PDZD2: variants seen among roughly 807,000 people sequenced by gnomAD.
The protein encoded by PDZD2 is PDZ domain containing 2.
In PDZD2, 90 loss-of-function variants were observed where a neutral mutation model predicts 220.7. The ratio of observed to expected loss-of-function variants is 0.41; its 90% CI spans 0.34 to 0.49. The LOEUF (loss-of-function observed/expected upper bound fraction) is 0.49. Among genes scored for constraint, PDZD2 ranks in the 20% least tolerant of loss-of-function variants. The pLI is 0.28. For synonymous variants in PDZD2, 1,375 were observed against 1,450.5 expected (o/e 0.95, Z 1.18); for missense variants, 3,174 against 3,608.5 (o/e 0.88, Z 3.08).
At chr5:32,092,403 T>A (rs1030561280) in intron 20 of PDZD2, among the ~76,000 whole-genome samples, 3 of 151,124 alleles carry the variant, frequency 2.0e-5, no homozygotes, top group African/African-American at 7.3e-5. Flanking sequence ...TGAAACCCTA[T>A]CTCTACTAAA....
At chr5:31,821,083 G>A (rs1165032713) in intron 2 of PDZD2, among the ~76,000 whole-genome samples, 2 of 151,732 alleles carry the variant, frequency 1.3e-5, no homozygotes, top group African/African-American at 2.4e-5. Flanking sequence ...TCTTTTAAAT[G>A]TTGTTATTAC....
chr5:31,984,916 T>G (rs774575074), intron 3 of PDZD2, among the ~76,000 whole-genome samples: 6 of 152,140 alleles, frequency 3.9e-5, no homozygotes, highest in Non-Finnish European at 7.4e-5. Flanking sequence ...TATAGCCAAA[T>G]GTACAATGGG....
chr5:31,689,353 A>ATATTTT, intron 1 of PDZD2, among the ~76,000 whole-genome samples: 10 of 35,120 alleles, frequency 2.8e-4, no homozygotes, highest in African/African-American at 1.2e-3. Context: ...ATATATATAT[A>ATATTTT]TTTTTTTTTT....
At chr5:31,705,376 A>G (rs1366410743) in intron 1 of PDZD2, among the ~76,000 whole-genome samples, 4 of 152,190 alleles carry the variant, frequency 2.6e-5, no homozygotes, top group African/African-American at 9.6e-5. Context: ...ATAGAAAACG[A>G]AGAGAAAATC....
At chr5:31,904,743 G>T (rs894986345) in intron 2 of PDZD2, among the ~76,000 whole-genome samples, 101 of 152,068 alleles carry the variant, frequency 6.6e-4, no homozygotes, top group African/African-American at 2.4e-3. Flanking sequence ...ACTGCGCCCG[G>T]CCAATATGTC....
chr5:31,915,066 G>A (rs113543461), intron 2 of PDZD2, among the ~76,000 whole-genome samples: 5 of 152,320 alleles, frequency 3.3e-5, no homozygotes, highest in African/African-American at 1.2e-4. Flanking sequence ...TTTAGAAGCT[G>A]TAGGGGGTCT....
rs1471780597 is a variant in PDZD2, at chr5:31,790,643, G to T, written c.-360-8246G>T. Among the ~76,000 whole-genome samples the T allele has an allele frequency of 6.1e-5, 9 of 146,550 alleles. No individual in the cohort carries two copies. In the East Asian group the frequency reaches 1.7e-3, roughly 27 times the overall value. On this transcript the variant is annotated intron_variant, in intron 1 of 24. Coordinates refer to ENST00000438447, the MANE Select transcript of PDZD2 (RefSeq NM_178140.4). ...TGTGTGTTTCTGGTCAATTCCTTAT[G>T]ATTTGAATCCTTTACTTTTTAACTT...
chr5:31,759,137 G>A (rs1751478895), intron 1 of PDZD2, among the ~76,000 whole-genome samples: 1 of 150,822 alleles, frequency 6.6e-6, no homozygotes. Context: ...CCCTTGCCGT[G>A]CCCACCCCCT....
chr5:32,012,458 G>T (rs1753402728), intron 6 of PDZD2, among the ~76,000 whole-genome samples: 1 of 151,960 alleles, frequency 6.6e-6, no homozygotes, highest in East Asian at 1.9e-4. Context: ...ATCTTGGCTT[G>T]CTGCAACCTC....
chr5:32,040,369 T>TAGG (rs1755968949), intron 7 of PDZD2, among the ~76,000 whole-genome samples: 2 of 138,230 alleles, frequency 1.4e-5, no homozygotes, highest in African/African-American at 5.5e-5. Context: ...CCGCCCCGTC[T>TAGG]AGGAAGTGAG....
intron 3 of PDZD2, among the ~76,000 whole-genome samples, chr5:31,986,659 CG>C (rs1229832387): frequency 3.1e-4 from 9 of 29,232 alleles, no homozygotes; most frequent in Non-Finnish European, 3.7e-4. Flanking sequence ...TTGCGGGGGG[CG>C]GGGGGGAATT....
intron 1 of PDZD2, among the ~76,000 whole-genome samples, chr5:31,700,648 T>C (rs1232794472): frequency 6.6e-6 from 1 of 152,134 alleles, no homozygotes; most frequent in Admixed American, 6.5e-5. Context: ...AACTGAGGCA[T>C]GGAAAAATGT....
In PDZD2 at chr5:31,876,250, T is replaced by C. The variant is rs145814924; in HGVS notation, c.476+76526T>C. On this transcript the variant is annotated intron_variant, in intron 2 of 24. Coordinates refer to ENST00000438447, the MANE Select transcript of PDZD2 (RefSeq NM_178140.4). Reference sequence around the variant, plus strand: ...AGTATTGCATTCTCTATTTGGTTATTGCTAGTGTAAAGGAATGCGCTTGAT... The same window carrying C: ...AGTATTGCATTCTCTATTTGGTTATCGCTAGTGTAAAGGAATGCGCTTGAT... 5.3e-5 allele frequency among the ~76,000 whole-genome samples: 8 copies of C among 152,214 alleles called. No individual in the cohort carries two copies. In the East Asian group the frequency reaches 1.5e-3, roughly 29 times the overall value.
intron 6 of PDZD2, among the ~76,000 whole-genome samples, chr5:32,034,718 A>C (rs1342696205): frequency 6.6e-6 from 1 of 152,184 alleles, no homozygotes; most frequent in Non-Finnish European, 1.5e-5. Flanking sequence ...CAGTATGGAA[A>C]GAACCTGGAG....
chr5:32,062,029 G>A (rs1389961100), intron 14 of PDZD2, among the ~76,000 whole-genome samples: 1 of 152,094 alleles, frequency 6.6e-6, no homozygotes, highest in African/African-American at 2.4e-5. Context: ...ACTTCGGGCT[G>A]GGATTAAAGG....
At chr5:31,809,780 G>T (rs527896823) in intron 2 of PDZD2, among the ~76,000 whole-genome samples, 5 of 152,246 alleles carry the variant, frequency 3.3e-5, no homozygotes, top group Admixed American at 3.3e-4. Context: ...GTTTTTATGA[G>T]GGAAGAGATT....
intron 2 of PDZD2, among the ~76,000 whole-genome samples, chr5:31,942,935 A>T (rs930034857): frequency 6.6e-6 from 1 of 152,098 alleles, no homozygotes; most frequent in African/African-American, 2.4e-5. Flanking sequence ...GGGCACGGTG[A>T]CTCACGCCTG....
rs758317903 is a variant in PDZD2 at position 32,101,128 on chromosome 5, G to C, written c.8242G>C (p.Ala2748Pro). ...AGGGAGAAGTGTGGCTGTACACGAT[G>C]CTCTGTGTGTTGAAGTGCTGAAGAC... ...GIGRSVAVHD[A>P]LCVEVLKTSA... is the part of the protein sequence containing the mutation. The change falls in exon 24 of 25, where the codon GCT becomes CCT. Residue 2748 changes from alanine to proline, a missense_variant. By Grantham distance (27) the Ala-to-Pro change is conservative. This residue lies in a region of PDZD2 where 631 missense variants were observed against 789.9 expected (regional missense o/e 0.80). Coordinates refer to ENST00000438447, the MANE Select transcript of PDZD2 (RefSeq NM_178140.4). 1.2e-6 allele frequency: 2 copies of C among 1,614,176 alleles called. No individual in the cohort carries two copies. Among genetic ancestry groups the C allele is most frequent in the Non-Finnish European group, 1.7e-6 (2 of 1,180,016 alleles).
chr5:31,848,997 C>T (rs78716164), intron 2 of PDZD2, among the ~76,000 whole-genome samples: 24,352 of 151,954 alleles, frequency 0.16, 2,216 homozygotes, highest in East Asian at 0.29. Flanking sequence ...TGCAGTGAGC[C>T]GAGATCTTGC....
Sources: gnomAD v4.1 joint callset for allele counts (sites outside exome capture counted in the v4.1 genomes callset) on GRCh38, gnomAD v4.1.1 for gene constraint, gnomAD v4.1.1 regional missense constraint, MANE v1.5 for transcripts, NCBI Gene and HGNC (gene_info 2026-07-23, HGNC 2026-07-21) for gene names.